Variants in GPHN observed in about 807,000 individuals in gnomAD.
GPHN encodes the protein gephyrin.
GPHN carries 17 observed loss-of-function variants against 95.5 expected under a neutral mutation model. The ratio of observed to expected loss-of-function variants is 0.18; its 90% CI spans 0.12 to 0.27. The LOEUF (loss-of-function observed/expected upper bound fraction) is 0.27, where lower values mean the gene tolerates loss of function less well. GPHN is among the 10% of genes least tolerant of loss of function. The probability of loss-of-function intolerance (pLI) is 1.00; values close to 1 mark genes in which losing one functional copy is unlikely to be tolerated. For missense variants in GPHN, 660 were observed against 978.1 expected (o/e 0.67, Z 4.34); for synonymous variants, 320 against 322.5 (o/e 0.99, Z 0.08).
At chr14:67,712,670 A>G in the GPHN span, among the ~76,000 whole-genome samples, 26 of 152,274 alleles carry the variant, frequency 1.7e-4, no homozygotes, top group East Asian at 4.6e-3. Flanking sequence ...TATTTCATCT[A>G]GGACAAATTG....
the GPHN span, chr14:67,376,398 C>A: frequency 1.3e-6 from 2 of 1,526,404 alleles, no homozygotes; most frequent in Non-Finnish European, 1.8e-6. Flanking sequence ...TTTTATAAAT[C>A]TCTTATCTTT....
the GPHN span, among the ~76,000 whole-genome samples, chr14:67,437,054 T>G: frequency 6.6e-6 from 1 of 152,140 alleles, no homozygotes; most frequent in Non-Finnish European, 1.5e-5. Flanking sequence ...AGACCCTGTC[T>G]CAAAAAAACA....
At chr14:67,088,249 A>G (rs1477797754) in intron 11 of GPHN, among the ~76,000 whole-genome samples, 3 of 152,186 alleles carry the variant, frequency 2.0e-5, no homozygotes, top group Non-Finnish European at 4.4e-5. Flanking sequence ...TTTTGGGAAA[A>G]GTAGAGCAAA....
intron 22 of GPHN, 147 bp from the exon 23 acceptor site, chr14:67,180,657 C>T (rs542011276): frequency 1.1e-4 from 78 of 721,448 alleles, no homozygotes; most frequent in Non-Finnish European, 1.8e-4. Flanking sequence ...AGCATGGCCA[C>T]CTGAAAAAGG....
chr14:66,870,303 A>G (rs1489351324), intron 4 of GPHN, among the ~76,000 whole-genome samples: 1 of 152,172 alleles, frequency 6.6e-6, no homozygotes, highest in Non-Finnish European at 1.5e-5. Flanking sequence ...CAGTGGCATC[A>G]CCATGATATA....
intron 17 of GPHN, among the ~76,000 whole-genome samples, chr14:67,135,437 A>G (rs969873473): frequency 2.6e-5 from 4 of 152,216 alleles, no homozygotes; most frequent in South Asian, 2.1e-4. Flanking sequence ...AACAAGTATC[A>G]TTCTTCCATT....
Position 66,803,435 on chromosome 14 carries a change from T to G in GPHN, c.202-21039T>G, listed in dbSNP as rs147794224. 4.3e-3 allele frequency among the ~76,000 whole-genome samples: 659 copies of G among 152,300 alleles called. 7 individuals carry two copies. The highest frequency in any genetic ancestry group is 4.5e-3 in the Non-Finnish European group (307 of 68,016). On this transcript the variant is annotated intron_variant, in intron 3 of 22. Transcript: ENST00000478722. The stretch of plus-strand genomic sequence containing the variant: ...TACGAAGGTACTTTTTTTGTGTAGA[T>G]AGTTGTTAAATTGGTGTACTTGCAG...
intron 3 of GPHN, among the ~76,000 whole-genome samples, chr14:66,782,858 C>A (rs868694805): frequency 8.6e-5 from 13 of 151,752 alleles, no homozygotes; most frequent in Non-Finnish European, 1.2e-4. Context: ...AACAAAAAAA[C>A]CAAAAGAAAG....
At chr14:67,543,883 T>A in the GPHN span, among the ~76,000 whole-genome samples, 4 of 151,986 alleles carry the variant, frequency 2.6e-5, no homozygotes, top group Admixed American at 6.5e-5. Flanking sequence ...AGAAAAGTCC[T>A]CAGGTAACAA....
At chr14:67,567,617 C>T in the GPHN span, among the ~76,000 whole-genome samples, 1,025 of 152,220 alleles carry the variant, frequency 6.7e-3, 4 homozygotes, top group Non-Finnish European at 9.7e-3. Context: ...TGTCTCCTGC[C>T]GCCCCTCCAG....
At chr14:67,624,951 A>T in the GPHN span, among the ~76,000 whole-genome samples, 1 of 152,218 alleles carries the variant, frequency 6.6e-6, no homozygotes, top group Non-Finnish European at 1.5e-5. Flanking sequence ...CTGCAATCAC[A>T]GTGAAACCAG....
At chr14:66,664,439 A>G (rs1279315132) in intron 1 of GPHN, among the ~76,000 whole-genome samples, 1 of 152,224 alleles carries the variant, frequency 6.6e-6, no homozygotes, top group African/African-American at 2.4e-5. Flanking sequence ...ACTAATAAGG[A>G]CAAAGATACA....
At chr14:67,460,697 G>A in the GPHN span, among the ~76,000 whole-genome samples, 92 of 152,166 alleles carry the variant, frequency 6.0e-4, no homozygotes, top group Non-Finnish European at 7.9e-4. Flanking sequence ...GTGAGACTCC[G>A]TCTCAAAAAA....
At chr14:67,615,233 A>C in the GPHN span, 1 of 152,794 alleles carries the variant, frequency 6.5e-6, no homozygotes, top group Non-Finnish European at 1.5e-5. Flanking sequence ...CTCATTCTTT[A>C]TGACTTTAGA....
intron 11 of GPHN, among the ~76,000 whole-genome samples, chr14:67,079,122 A>G (rs574677515): frequency 3.3e-5 from 5 of 152,116 alleles, no homozygotes; most frequent in Non-Finnish European, 5.9e-5. Context: ...TATGTGTGCT[A>G]TAAATATGAC....
chr14:67,048,173 A>G (rs766415845), intron 10 of GPHN, among the ~76,000 whole-genome samples: 2 of 152,214 alleles, frequency 1.3e-5, no homozygotes, highest in Non-Finnish European at 2.9e-5. Context: ...GAGGCTTTCT[A>G]CATCATAGAT....
the GPHN span, chr14:67,349,206 G>C: frequency 4.5e-6 from 5 of 1,118,254 alleles, no homozygotes; most frequent in Non-Finnish European, 6.5e-6. Flanking sequence ...AGAGTGAGAT[G>C]TCACAATTAA....
chr14:66,949,774 T>G (rs889075484), intron 8 of GPHN, among the ~76,000 whole-genome samples: 1 of 152,130 alleles, frequency 6.6e-6, no homozygotes, highest in African/African-American at 2.4e-5. Context: ...GCAAAAATAA[T>G]TATTAGAAGA....
At chr14:67,466,538 T>C in the GPHN span, among the ~76,000 whole-genome samples, 1 of 152,238 alleles carries the variant, frequency 6.6e-6, no homozygotes, top group Non-Finnish European at 1.5e-5. Context: ...GCCTGGGAAC[T>C]GGTGTTCTGG....
Sources: allele counts gnomAD v4.1 joint callset (sites outside exome capture counted in the v4.1 genomes callset), GRCh38; gene constraint gnomAD v4.1.1; transcripts MANE v1.5; gene names NCBI Gene and HGNC (gene_info 2026-07-23, HGNC 2026-07-21).